The following ADAMTS18 variants were observed in gnomAD, a reference collection of about 807,000 sequenced individuals.
The protein encoded by ADAMTS18 is ADAM metallopeptidase with thrombospondin type 1 motif 18, also known as A disintegrin and metalloproteinase with thrombospondin motifs 18.
Under a neutral mutation model 165.9 loss-of-function variants are expected in ADAMTS18, and 157 were observed. The ratio of observed to expected loss-of-function variants is 0.95; its 90% CI spans 0.83 to 1.08. The LOEUF is 1.08. Ranked by LOEUF, ADAMTS18 falls within the 50% of genes least tolerant of loss-of-function variation. The pLI is 0.00. For missense variants in ADAMTS18, 2,040 were observed against 1,534.0 expected, an observed-to-expected ratio of 1.33 and a Z score of -5.51; for synonymous variants, 782 against 578.2, an observed-to-expected ratio of 1.35 and a Z score of -5.06.
chr16:77,434,379 G>A (rs538247031), intron 2 of ADAMTS18, 39 bp downstream of exon 2: 3 of 1,544,688 alleles, frequency 1.9e-6, no homozygotes, highest in Non-Finnish European at 2.6e-6. Flanking sequence ...TCAAAGTGCT[G>A]CGAAAGGCCC....
At chr16:77,304,802 C>G (rs534325096) in intron 16 of ADAMTS18, among the ~76,000 whole-genome samples, 1 of 152,302 alleles carries the variant, frequency 6.6e-6, no homozygotes, top group Non-Finnish European at 1.5e-5. Context: ...TATTTGTATG[C>G]CTGTGTATGT....
intron 19 of ADAMTS18, 99 bp downstream of exon 19, chr16:77,294,824 A>G (rs2055434478): frequency 8.7e-7 from 1 of 1,143,648 alleles, no homozygotes; most frequent in Non-Finnish European, 1.3e-6. Flanking sequence ...GATTTCCATG[A>G]ACATGTAAAC....
intron 10 of ADAMTS18, among the ~76,000 whole-genome samples, chr16:77,349,498 GC>G (rs1215950333): frequency 1.8e-5 from 2 of 112,946 alleles, no homozygotes; most frequent in Non-Finnish European, 1.7e-5. Context: ...TTTTTCCTCT[GC>G]CCCATTTGTT....
intron 22 of ADAMTS18, among the ~76,000 whole-genome samples, chr16:77,287,155 ACT>A (rs1418507589): frequency 6.6e-6 from 1 of 151,964 alleles, no homozygotes; most frequent in South Asian, 2.1e-4. Flanking sequence ...AGGGGAGGAA[ACT>A]CTCACAGTGC....
chr16:77,319,516 A>G (rs938705208), intron 16 of ADAMTS18, among the ~76,000 whole-genome samples: 1 of 152,146 alleles, frequency 6.6e-6, no homozygotes, highest in Non-Finnish European at 1.5e-5. Flanking sequence ...ATCTTGGCTC[A>G]CTGCAACTTC....
At chr16:77,325,677 G>GA (rs1318185325) in intron 13 of ADAMTS18, among the ~76,000 whole-genome samples, 189 bp downstream of exon 13, 1 of 140,840 alleles carries the variant, frequency 7.1e-6, no homozygotes, top group Non-Finnish European at 1.5e-5. Context: ...TCTTATAGGG[G>GA]GAAAAAAAAA....
At chr16:77,295,602 G>C (rs1027478462) in intron 18 of ADAMTS18, among the ~76,000 whole-genome samples, 7 of 152,182 alleles carry the variant, frequency 4.6e-5, no homozygotes, top group African/African-American at 1.7e-4. Context: ...GGAGGCTCAT[G>C]GAACAGTCAT....
At chr16:77,323,126 A>T (rs566071945) in intron 13 of ADAMTS18, among the ~76,000 whole-genome samples, 132 of 151,634 alleles carry the variant, frequency 8.7e-4, no homozygotes, top group African/African-American at 2.9e-3. Context: ...GGCAAAAATT[A>T]AAAAAAAATT....
intron 17 of ADAMTS18, among the ~76,000 whole-genome samples, chr16:77,299,435 G>T (rs1000997236): frequency 2.0e-5 from 3 of 152,080 alleles, no homozygotes; most frequent in Non-Finnish European, 4.4e-5. Flanking sequence ...CTACAGATAG[G>T]CCTTTCAGAC....
intron 3 of ADAMTS18, among the ~76,000 whole-genome samples, chr16:77,381,239 C>G (rs956705788): frequency 2.0e-4 from 30 of 151,108 alleles, no homozygotes; most frequent in Non-Finnish European, 1.2e-4. Context: ...GACTCCATGG[C>G]CTGCCCACAC....
intron 3 of ADAMTS18, among the ~76,000 whole-genome samples, chr16:77,430,815 G>A (rs1242425056): frequency 6.6e-6 from 1 of 152,188 alleles, no homozygotes; most frequent in Non-Finnish European, 1.5e-5. Flanking sequence ...TCTTATGTGA[G>A]CAGGACACCA....
chr16:77,402,759 T>A (rs572924082), intron 3 of ADAMTS18, among the ~76,000 whole-genome samples: 1 of 152,328 alleles, frequency 6.6e-6, no homozygotes, highest in South Asian at 2.1e-4. Flanking sequence ...AGCAAAGTTT[T>A]GACTTCCAGG....
Position 77,426,290 on chromosome 16 carries a change from T to G in ADAMTS18, c.495+5005A>C, listed in dbSNP as rs151148482. On this transcript the variant is annotated intron_variant, in intron 3 of 22. Coordinates refer to ENST00000282849, the MANE Select transcript of ADAMTS18 (RefSeq NM_199355.4). ...ATAATATTATAGTATCTATTTTGGG[T>G]ACCATTGTGTTGATGTTTTTCATGT... Among the ~76,000 whole-genome samples the G allele has an allele frequency of 1.9e-3, 288 of 152,236 alleles. 1 individual carries two copies. The highest frequency in any genetic ancestry group is 6.7e-3 in the African/African-American group (279 of 41,542).
intron 3 of ADAMTS18, among the ~76,000 whole-genome samples, chr16:77,384,065 A>T (rs7199573): frequency 6.6e-6 from 1 of 151,528 alleles, no homozygotes; most frequent in Non-Finnish European, 1.5e-5. Flanking sequence ...AAAGGCTGGG[A>T]CTTTGTGCCT....
chr16:77,338,750 G>C (rs912620733), intron 11 of ADAMTS18, among the ~76,000 whole-genome samples: 1 of 151,750 alleles, frequency 6.6e-6, no homozygotes, highest in Admixed American at 6.6e-5. Flanking sequence ...TCAGGAGACC[G>C]AGAGCATCCT....
chr16:77,365,645 C>G (rs911121045), intron 4 of ADAMTS18, among the ~76,000 whole-genome samples: 1 of 152,156 alleles, frequency 6.6e-6, no homozygotes, highest in Non-Finnish European at 1.5e-5. Flanking sequence ...AGACATGATG[C>G]CTTTAGTTAA....
At chr16:77,423,345 T>C (rs1333409659) in intron 3 of ADAMTS18, among the ~76,000 whole-genome samples, 2 of 152,166 alleles carry the variant, frequency 1.3e-5, no homozygotes, top group Non-Finnish European at 2.9e-5. Flanking sequence ...CAGTCAATTT[T>C]GAAAAGTCCT....
At chr16:77,383,046 C>A in intron 3 of ADAMTS18, among the ~76,000 whole-genome samples, 1 of 152,292 alleles carries the variant, frequency 6.6e-6, no homozygotes, top group East Asian at 1.9e-4. Context: ...TGGCATTATG[C>A]AGTTAAGAAT....
chr16:77,283,954 G>A lies in ADAMTS18; in HGVS notation c.*2C>T. 1.2e-6 allele frequency: 2 copies of A among 1,612,154 alleles called. No homozygotes were observed. Among genetic ancestry groups the A allele is most frequent in the Middle Eastern group, 1.7e-4 (1 of 6,060 alleles). On this transcript the variant is annotated 3_prime_UTR_variant, in exon 23 of 23. Transcript: ENST00000282849. ...CCTAAGGTGCTGGGGAGGACACCAA[G>A]ATCAGATCTTCCTTGTGCATGACTT...
Sources: gnomAD v4.1 joint callset for allele counts (sites outside exome capture counted in the v4.1 genomes callset) on GRCh38, gnomAD v4.1.1 for gene constraint, MANE v1.5 for transcripts, NCBI Gene and HGNC (gene_info 2026-07-23, HGNC 2026-07-21) for gene names.